Variants in KDM4C observed in about 807,000 individuals in gnomAD.
KDM4C encodes lysine demethylase 4C.
A neutral mutation model predicts 129.3 loss-of-function variants in KDM4C; 81 were observed. The ratio of observed to expected loss-of-function variants is 0.63; its 90% confidence interval spans 0.52 to 0.75. The LOEUF is 0.75. Ranked by LOEUF, KDM4C falls within the 30% of genes least tolerant of loss-of-function variation. The pLI is 0.00. For missense variants in KDM4C, 1,457 were observed against 1,304.0 expected (o/e 1.12, Z -1.81); for synonymous variants, 573 against 456.1 (o/e 1.26, Z -3.26).
intron 8 of KDM4C, among the ~76,000 whole-genome samples, chr9:6,971,499 C>T (rs138263645): frequency 3.9e-5 from 6 of 152,264 alleles, no homozygotes; most frequent in African/African-American, 7.2e-5. Flanking sequence ...ATTTTATCAG[C>T]GGTCTGTGCC....
intron 8 of KDM4C, among the ~76,000 whole-genome samples, chr9:6,912,169 C>A (rs1215781801): frequency 6.6e-6 from 1 of 152,188 alleles, no homozygotes; most frequent in Non-Finnish European, 1.5e-5. Context: ...AGCCTTATTT[C>A]CTGCCCACCT....
At chr9:6,735,324 T>G (rs893843170) in intron 1 of KDM4C, among the ~76,000 whole-genome samples, 12 of 152,234 alleles carry the variant, frequency 7.9e-5, no homozygotes, top group African/African-American at 2.9e-4. Flanking sequence ...CTATCAGTAT[T>G]AAACTGCCTG....
chr9:6,756,359 G>A (rs1208516979), upstream of KDM4C, among the ~76,000 whole-genome samples: 1 of 152,204 alleles, frequency 6.6e-6, no homozygotes, highest in Non-Finnish European at 1.5e-5. Flanking sequence ...AAGGATGGTT[G>A]GGATCCTGAC....
chr9:6,800,984 A>G (rs1473089408), intron 2 of KDM4C, among the ~76,000 whole-genome samples: 1 of 152,164 alleles, frequency 6.6e-6, no homozygotes, highest in East Asian at 1.9e-4. Context: ...TAGTATCCTT[A>G]TATTGCTAAT....
intron 8 of KDM4C, among the ~76,000 whole-genome samples, chr9:6,914,961 G>A (rs768162117): frequency 3.9e-5 from 6 of 152,202 alleles, no homozygotes; most frequent in Non-Finnish European, 7.3e-5. Context: ...CTAAGACAGA[G>A]TCTTTTTGAT....
intron 1 of KDM4C, among the ~76,000 whole-genome samples, chr9:6,784,640 A>G (rs764134714): frequency 1.3e-5 from 2 of 152,136 alleles, no homozygotes; most frequent in Non-Finnish European, 2.9e-5. Context: ...TTCCATTCCT[A>G]CCCCTGGCCT....
At chr9:7,159,536 A>G (rs888676883) in intron 19 of KDM4C, among the ~76,000 whole-genome samples, 3 of 152,168 alleles carry the variant, frequency 2.0e-5, no homozygotes, top group Non-Finnish European at 4.4e-5. Context: ...GGTGGTGACA[A>G]AATCTCTCAG....
chr9:6,967,814 T>C (rs1316761124), intron 8 of KDM4C, among the ~76,000 whole-genome samples: 1 of 152,226 alleles, frequency 6.6e-6, no homozygotes, highest in African/African-American at 2.4e-5. Context: ...TCTCATTATA[T>C]TGTGAGTTTT....
chr9:6,849,439 T>G, intron 4 of KDM4C, 68 bp from the exon 5 acceptor site: 1 of 1,330,576 alleles, frequency 7.5e-7, no homozygotes, highest in Non-Finnish European at 1.0e-6. Context: ...GTGGTTTGAT[T>G]AGTAAATGCT....
chr9:7,137,479 C>T (rs1480822686), intron 19 of KDM4C, among the ~76,000 whole-genome samples: 1 of 152,118 alleles, frequency 6.6e-6, no homozygotes, highest in East Asian at 1.9e-4. Context: ...GAAAATGGTA[C>T]GTTAGCTGCC....
At chr9:6,990,651 T>C in intron 12 of KDM4C, 127 bp downstream of exon 12, 1 of 615,546 alleles carries the variant, frequency 1.6e-6, no homozygotes, top group Non-Finnish European at 2.9e-6. Flanking sequence ...TAGGAGATCA[T>C]ACATAATAAA....
chr9:6,767,101 T>C (rs1348046899), intron 1 of KDM4C, among the ~76,000 whole-genome samples: 7 of 152,038 alleles, frequency 4.6e-5, no homozygotes, highest in Non-Finnish European at 1.0e-4. Context: ...GTAGTTTATC[T>C]CATTTTGTTT....
At chr9:7,119,813 G>C (rs1839301266) in intron 18 of KDM4C, among the ~76,000 whole-genome samples, 1 of 152,130 alleles carries the variant, frequency 6.6e-6, no homozygotes, top group African/African-American at 2.4e-5. Context: ...CTTCCTGGCA[G>C]CCTCCCTCCT....
At chr9:6,916,767 G>C (rs1820389132) in intron 8 of KDM4C, among the ~76,000 whole-genome samples, 1 of 152,194 alleles carries the variant, frequency 6.6e-6, no homozygotes, top group South Asian at 2.1e-4. Flanking sequence ...TACTTACTAA[G>C]AGGATTATGT....
At chr9:6,897,939 A>G (rs1816720533) in intron 8 of KDM4C, among the ~76,000 whole-genome samples, 1 of 152,136 alleles carries the variant, frequency 6.6e-6, no homozygotes, top group South Asian at 2.1e-4. Context: ...CTGTTTCTGG[A>G]GCATTCTTTC....
At chr9:6,764,390 C>T (rs1055219028) in intron 1 of KDM4C, among the ~76,000 whole-genome samples, 2 of 152,132 alleles carry the variant, frequency 1.3e-5, no homozygotes, top group Non-Finnish European at 2.9e-5. Context: ...TTTCATAGTA[C>T]AAAGATTTCC....
At chr9:6,982,541 T>C (rs960658552) in intron 9 of KDM4C, 2 of 152,214 alleles carry the variant, frequency 1.3e-5, no homozygotes, top group African/African-American at 4.8e-5. Flanking sequence ...ATCTGAAATA[T>C]ATAACTCACT....
Position 6,835,425 on chromosome 9 carries a change from G to T in KDM4C, c.436-14082G>T. On this transcript the variant is annotated intron_variant, in intron 4 of 21. Coordinates refer to ENST00000381309, the MANE Select transcript of KDM4C (RefSeq NM_015061.6). ...TCACCGCCCTGGCGCCCAGCACGAT[G>T]AAGATCAAGATCATTGCTCCTCCTG... The T allele has an allele frequency of 2.6e-6, 3 of 1,167,122 alleles. No homozygotes were observed. The Admixed American group carries it at 5.1e-5, about 20-fold the overall frequency. 72.3% of individuals were successfully genotyped at this position (1,167,122 alleles called of 1,614,324 possible).
rs560317624 is a variant in KDM4C at position 6,845,781 on chromosome 9, G to A, written c.436-3726G>A. ...CTCCAGTTAGTCCATTGGAAGTCAG[G>A]TGAGTTATGAATATTGCTCATGTGC... On this transcript the variant is annotated intron_variant, in intron 4 of 21. Transcript: ENST00000381309. Among the ~76,000 whole-genome samples the A allele has an allele frequency of 1.9e-4, 29 of 152,334 alleles. 1 individual carries two copies. Among genetic ancestry groups the A allele is most frequent in the Admixed American group, 9.1e-4 (14 of 15,308 alleles).
Sources: gnomAD v4.1 joint callset for allele counts (sites outside exome capture counted in the v4.1 genomes callset) on GRCh38, gnomAD v4.1.1 for gene constraint, MANE v1.5 for transcripts, NCBI Gene and HGNC (gene_info 2026-07-23, HGNC 2026-07-21) for gene names.